The following LRRC4C variants were observed in gnomAD, a reference collection of about 807,000 sequenced individuals.
LRRC4C encodes the protein leucine-rich repeat-containing protein 4C.
A neutral mutation model predicts 33.6 loss-of-function variants in LRRC4C; 5 were observed. That is an observed-to-expected ratio of 0.15 (90% CI 0.08 to 0.31). The LOEUF (loss-of-function observed/expected upper bound fraction) is 0.31. Among genes scored for constraint, LRRC4C ranks in the 10% least tolerant of loss-of-function variants. LRRC4C has a pLI of 1.00. For missense variants in LRRC4C, 560 were observed against 796.7 expected, an observed-to-expected ratio of 0.70 and a Z score of 3.58; for synonymous variants, 329 against 302.0, an observed-to-expected ratio of 1.09 and a Z score of -0.93.
At chr11:40,888,508 C>T (rs1955561423) in intron 2 of LRRC4C, among the ~76,000 whole-genome samples, 1 of 151,922 alleles carries the variant, frequency 6.6e-6, no homozygotes, top group African/African-American at 2.4e-5. Context: ...CAGTTTTCAC[C>T]AACTTGGAAG....
At chr11:40,307,315 T>C (rs796551544) in intron 4 of LRRC4C, among the ~76,000 whole-genome samples, 5 of 152,192 alleles carry the variant, frequency 3.3e-5, no homozygotes, top group African/African-American at 4.8e-5. Context: ...CTTTGAATGA[T>C]TGGGAGAAAT....
At chr11:40,584,177 C>CATATATATATAT (rs371413523) in intron 3 of LRRC4C, among the ~76,000 whole-genome samples, 4,308 of 71,058 alleles carry the variant, frequency 0.061, 540 homozygotes, top group East Asian at 0.1. Flanking sequence ...ACGCACACTT[C>CATATATATATAT]ATATATATAT....
intron 3 of LRRC4C, among the ~76,000 whole-genome samples, chr11:40,599,292 TAAA>T (rs140548469): frequency 6.7e-6 from 1 of 150,136 alleles, no homozygotes; most frequent in African/African-American, 2.5e-5. Flanking sequence ...TACAAAAATT[TAAA>T]AAAAAAATCA....
intron 1 of LRRC4C, among the ~76,000 whole-genome samples, chr11:41,039,002 T>C (rs1179751519): frequency 6.6e-6 from 1 of 152,218 alleles, no homozygotes; most frequent in Non-Finnish European, 1.5e-5. Flanking sequence ...AAAAATTCTT[T>C]GCCAAGGCTC....
intron 1 of LRRC4C, among the ~76,000 whole-genome samples, chr11:41,278,608 C>T (rs1010222426): frequency 2.6e-5 from 4 of 152,202 alleles, no homozygotes; most frequent in African/African-American, 9.6e-5. Flanking sequence ...GCCTCGCCCC[C>T]TGTGTTTCTG....
chr11:41,133,776 C>A (rs151286719), intron 1 of LRRC4C, among the ~76,000 whole-genome samples: 1 of 152,130 alleles, frequency 6.6e-6, no homozygotes, highest in African/African-American at 2.4e-5. Context: ...TACATAGCAT[C>A]CTTATCTTAC....
At chr11:40,840,042 T>G (rs1371968971) in intron 2 of LRRC4C, among the ~76,000 whole-genome samples, 1 of 152,206 alleles carries the variant, frequency 6.6e-6, no homozygotes, top group African/African-American at 2.4e-5. Context: ...TCAAAGATCT[T>G]ACACAGAAAC....
At chr11:40,604,028 C>T (rs1591249883) in intron 3 of LRRC4C, among the ~76,000 whole-genome samples, 1 of 151,990 alleles carries the variant, frequency 6.6e-6, no homozygotes, top group South Asian at 2.1e-4. Flanking sequence ...AATATACCCA[C>T]GTATATTTGT....
intron 2 of LRRC4C, among the ~76,000 whole-genome samples, chr11:40,786,086 T>C (rs1388920413): frequency 6.6e-6 from 1 of 152,194 alleles, no homozygotes; most frequent in Non-Finnish European, 1.5e-5. Flanking sequence ...ATACGAACGA[T>C]GAAAGACAAA....
intron 3 of LRRC4C, among the ~76,000 whole-genome samples, chr11:40,526,029 C>T (rs1482812541): frequency 2.0e-5 from 3 of 151,668 alleles, no homozygotes; most frequent in Non-Finnish European, 4.4e-5. Context: ...AATAGGACAT[C>T]CATATGAAAG....
intron 1 of LRRC4C, among the ~76,000 whole-genome samples, chr11:41,168,666 A>G (rs909977191): frequency 2.6e-5 from 4 of 152,200 alleles, no homozygotes; most frequent in Non-Finnish European, 5.9e-5. Context: ...AAGATGCTCA[A>G]TTATACATCT....
chr11:40,429,800 A>G (rs1950850925), intron 3 of LRRC4C, among the ~76,000 whole-genome samples: 1 of 152,178 alleles, frequency 6.6e-6, no homozygotes, highest in African/African-American at 2.4e-5. Flanking sequence ...CATTTATTGC[A>G]TTTTTGCAAG....
chr11:41,390,867 C>T (rs186348486), intron 1 of LRRC4C, among the ~76,000 whole-genome samples: 9 of 151,654 alleles, frequency 5.9e-5, no homozygotes, highest in Admixed American at 3.3e-4. Flanking sequence ...GTGTTCCTGG[C>T]AAAGTACCTG....
chr11:40,423,036 T>C (rs1950575617), intron 3 of LRRC4C, among the ~76,000 whole-genome samples: 1 of 152,168 alleles, frequency 6.6e-6, no homozygotes, highest in Admixed American at 6.5e-5. Context: ...ATGTCTATTT[T>C]GTCTGCTTGG....
At chr11:40,260,498 T>A (rs1590847207) in intron 4 of LRRC4C, among the ~76,000 whole-genome samples, 1 of 150,774 alleles carries the variant, frequency 6.6e-6, no homozygotes, top group African/African-American at 2.4e-5. Context: ...GGCACATGTA[T>A]ACATATGTAA....
At chr11:40,825,582 A>G (rs546215124) in intron 2 of LRRC4C, among the ~76,000 whole-genome samples, 2 of 152,186 alleles carry the variant, frequency 1.3e-5, no homozygotes, top group South Asian at 4.1e-4. Flanking sequence ...TATCCAGTGT[A>G]ATGTGTAATC....
intron 3 of LRRC4C, among the ~76,000 whole-genome samples, chr11:40,414,705 A>G (rs916405967): frequency 2.6e-5 from 4 of 152,098 alleles, no homozygotes; most frequent in African/African-American, 9.7e-5. Context: ...TTGGAACTTG[A>G]TTCATGTGAA....
At chr11:40,874,938 T>C (rs1954815664) in intron 2 of LRRC4C, among the ~76,000 whole-genome samples, 1 of 152,354 alleles carries the variant, frequency 6.6e-6, no homozygotes, top group East Asian at 1.9e-4. Flanking sequence ...TTAGAACTAA[T>C]TTATTTATTA....
intron 2 of LRRC4C, among the ~76,000 whole-genome samples, chr11:40,696,095 G>GTA (rs150296016): frequency 0.46 from 64,421 of 138,928 alleles, 14,870 homozygotes; most frequent in East Asian, 0.53. Flanking sequence ...ATGAGTGTGT[G>GTA]TATATATATA....
Sources: allele counts gnomAD v4.1 joint callset (sites outside exome capture counted in the v4.1 genomes callset), GRCh38; gene constraint gnomAD v4.1.1; transcripts MANE v1.5; gene names NCBI Gene and HGNC (gene_info 2026-07-23, HGNC 2026-07-21).